The following GALNTL6 variants were observed in gnomAD, a reference collection of about 807,000 sequenced individuals.
GALNTL6 encodes the protein polypeptide N-acetylgalactosaminyltransferase like 6.
In GALNTL6, 46 loss-of-function variants were observed where a neutral mutation model predicts 73.7. That is an observed-to-expected ratio of 0.62 (90% CI 0.49 to 0.80). The LOEUF (loss-of-function observed/expected upper bound fraction) is 0.80, where lower values mean the gene tolerates loss of function less well. Ranked by LOEUF, GALNTL6 falls within the 30% of genes least tolerant of loss-of-function variation. The pLI is 0.00. For missense variants in GALNTL6, 604 were observed against 755.0 expected, an observed-to-expected ratio of 0.80 and a Z score of 2.34; for synonymous variants, 259 against 263.7, an observed-to-expected ratio of 0.98 and a Z score of 0.17.
At chr4:171,930,711 C>G (rs1314234145) in intron 2 of GALNTL6, among the ~76,000 whole-genome samples, 2 of 152,092 alleles carry the variant, frequency 1.3e-5, no homozygotes, top group Non-Finnish European at 2.9e-5. Context: ...TGGTGGGCTC[C>G]TGTAGTCCCA....
chr4:172,305,160 G>T (rs938292095), intron 3 of GALNTL6, among the ~76,000 whole-genome samples: 2 of 151,962 alleles, frequency 1.3e-5, no homozygotes, highest in Non-Finnish European at 2.9e-5. Flanking sequence ...TCAAAAATTG[G>T]TAGGTGTGCC....
intron 8 of GALNTL6, among the ~76,000 whole-genome samples, chr4:172,887,668 A>G (rs549817793): frequency 1.3e-5 from 2 of 151,934 alleles, no homozygotes; most frequent in Admixed American, 6.6e-5. Context: ...GGTTCAAGTA[A>G]TTATCCTGCC....
intron 9 of GALNTL6, among the ~76,000 whole-genome samples, chr4:172,932,726 G>A (rs1419922324): frequency 1.3e-5 from 2 of 152,074 alleles, no homozygotes; most frequent in Non-Finnish European, 2.9e-5. Context: ...TTATATACAT[G>A]GCCTGAAGGT....
At chr4:172,850,190 G>A (rs890124489) in intron 7 of GALNTL6, among the ~76,000 whole-genome samples, 7 of 152,160 alleles carry the variant, frequency 4.6e-5, no homozygotes, top group African/African-American at 1.7e-4. Context: ...CTTACTGTGA[G>A]TCTCCTTGGC....
chr4:172,317,032 C>A (rs1158010019), intron 4 of GALNTL6, among the ~76,000 whole-genome samples: 1 of 152,246 alleles, frequency 6.6e-6, no homozygotes, highest in South Asian at 2.1e-4. Context: ...AGGCCAGGTG[C>A]GTTTGTCTAA....
intron 2 of GALNTL6, among the ~76,000 whole-genome samples, chr4:172,189,330 A>C (rs532485974): frequency 6.6e-6 from 1 of 152,312 alleles, no homozygotes; most frequent in African/African-American, 2.4e-5. Flanking sequence ...GTAATAATTT[A>C]ATATTACATA....
intron 5 of GALNTL6, among the ~76,000 whole-genome samples, chr4:172,363,408 AC>A (rs1164910295): frequency 7.9e-5 from 12 of 152,182 alleles, no homozygotes; most frequent in Admixed American, 5.2e-4. Context: ...ATATAAAAAA[AC>A]ACTCCATGAC....
chr4:172,535,711 C>A (rs1370547184), intron 5 of GALNTL6, among the ~76,000 whole-genome samples: 5 of 151,942 alleles, frequency 3.3e-5, no homozygotes, highest in Non-Finnish European at 7.4e-5. Context: ...TTATGATAGA[C>A]CATAATAGAT....
rs77972412 is a variant in GALNTL6 at position 172,294,531 on chromosome 4, G to T, written c.248-17083G>T. 1.9e-3 allele frequency among the ~76,000 whole-genome samples: 289 copies of T among 152,174 alleles called. 1 individual carries two copies. The highest frequency in any genetic ancestry group is 6.6e-3 in the African/African-American group (275 of 41,516). On this transcript the variant is annotated intron_variant, in intron 3 of 12. Transcript: ENST00000506823. ...TCACTTTGTGAGGAATGCAATGCAT[G>T]GGAACTAAATCAAGCACTTCTTGGG...
At chr4:172,351,726 G>A (rs1002071510) in intron 5 of GALNTL6, among the ~76,000 whole-genome samples, 2 of 152,074 alleles carry the variant, frequency 1.3e-5, no homozygotes, top group Admixed American at 1.3e-4. Context: ...AGATAAATTT[G>A]AAAATACAGG....
chr4:172,843,131 C>G (rs1160847698), intron 7 of GALNTL6, among the ~76,000 whole-genome samples: 2 of 152,152 alleles, frequency 1.3e-5, no homozygotes, highest in Admixed American at 6.5e-5. Flanking sequence ...TCCTCCACCC[C>G]TCATCCCCTC....
intron 5 of GALNTL6, among the ~76,000 whole-genome samples, chr4:172,495,249 G>A (rs1280857362): frequency 2.0e-5 from 3 of 152,154 alleles, no homozygotes; most frequent in African/African-American, 7.2e-5. Context: ...CTATGACAAA[G>A]CAAGAAGAAA....
intron 8 of GALNTL6, among the ~76,000 whole-genome samples, chr4:172,905,440 G>A (rs1043026761): frequency 2.5e-4 from 38 of 151,970 alleles, no homozygotes; most frequent in Non-Finnish European, 4.4e-5. Flanking sequence ...AAGCACAGTG[G>A]CTACTCAATA....
intron 2 of GALNTL6, among the ~76,000 whole-genome samples, chr4:171,850,039 C>T (rs1735475639): frequency 1.3e-5 from 2 of 152,200 alleles, no homozygotes; most frequent in African/African-American, 4.8e-5. Flanking sequence ...AATCTCGGCT[C>T]ACTGCAACCT....
chr4:171,945,189 T>C (rs1362604702), intron 2 of GALNTL6, among the ~76,000 whole-genome samples: 2 of 152,058 alleles, frequency 1.3e-5, no homozygotes, highest in Non-Finnish European at 2.9e-5. Flanking sequence ...ATACCTAGCA[T>C]GTTGATATTT....
chr4:172,288,910 C>G (rs1433500928), intron 3 of GALNTL6, among the ~76,000 whole-genome samples: 1 of 152,038 alleles, frequency 6.6e-6, no homozygotes, highest in Admixed American at 6.6e-5. Context: ...ATTTCAAATA[C>G]TATTTGAATT....
intron 11 of GALNTL6, among the ~76,000 whole-genome samples, chr4:173,018,927 C>G (rs1308143002): frequency 6.6e-6 from 1 of 152,216 alleles, no homozygotes; most frequent in Non-Finnish European, 1.5e-5. Flanking sequence ...CAAGGCCACA[C>G]AGGCCTTTCC....
At chr4:171,883,682 C>G in intron 2 of GALNTL6, among the ~76,000 whole-genome samples, 1 of 150,922 alleles carries the variant, frequency 6.6e-6, no homozygotes, top group Non-Finnish European at 1.5e-5. Flanking sequence ...GAGTCTCGCT[C>G]TGTCGCCCAG....
intron 5 of GALNTL6, among the ~76,000 whole-genome samples, chr4:172,620,223 T>C (rs1551447): frequency 0.37 from 56,502 of 152,000 alleles, 11,537 homozygotes; most frequent in African/African-American, 0.52. Context: ...AAATCTCCAA[T>C]ATAAAAAGGG....
Sources: allele counts gnomAD v4.1 joint callset (sites outside exome capture counted in the v4.1 genomes callset), GRCh38; gene constraint gnomAD v4.1.1; transcripts MANE v1.5; gene names NCBI Gene and HGNC (gene_info 2026-07-23, HGNC 2026-07-21).